SPTLC1: variants seen among roughly 807,000 people sequenced by gnomAD.
SPTLC1 encodes serine palmitoyltransferase 1.
In SPTLC1, 55 loss-of-function variants were observed where a neutral mutation model predicts 68.9. That is an observed-to-expected ratio of 0.80 (90% CI 0.64 to 1.00). The LOEUF (loss-of-function observed/expected upper bound fraction) is 1.00, where lower values mean the gene tolerates loss of function less well. Among genes scored for constraint, SPTLC1 ranks in the 50% least tolerant of loss-of-function variants. The pLI, the probability that SPTLC1 is intolerant of heterozygous loss-of-function variation, is 0.00. For missense variants in SPTLC1, 449 were observed against 573.1 expected, an observed-to-expected ratio of 0.78 and a Z score of 2.21; for synonymous variants, 197 against 201.6, an observed-to-expected ratio of 0.98 and a Z score of 0.19.
intron 3 of SPTLC1, among the ~76,000 whole-genome samples, chr9:92,083,849 A>G (rs1411869402): frequency 3.9e-5 from 6 of 152,134 alleles, no homozygotes; most frequent in South Asian, 4.1e-4. Context: ...CCATTTTCAC[A>G]ATATTGATTC....
chr9:92,051,320 A>T, intron 8 of SPTLC1: 2 of 942,754 alleles, frequency 2.1e-6, no homozygotes, highest in Non-Finnish European at 2.5e-6. Context: ...TTCAACATGG[A>T]AAAATCAAAT....
chr9:92,071,335 G>C (rs1177496697), intron 5 of SPTLC1, among the ~76,000 whole-genome samples: 1 of 152,128 alleles, frequency 6.6e-6, no homozygotes, highest in East Asian at 1.9e-4. Flanking sequence ...AGGAGGCGGA[G>C]GTTGCAGTGA....
intron 5 of SPTLC1, among the ~76,000 whole-genome samples, chr9:92,069,757 G>C (rs958122317): frequency 6.6e-6 from 1 of 152,144 alleles, no homozygotes; most frequent in Non-Finnish European, 1.5e-5. Context: ...GCTTCTAATT[G>C]AAAGTATCTG....
intron 5 of SPTLC1, chr9:92,079,761 C>T (rs1214901692): frequency 3.6e-5 from 24 of 658,942 alleles, no homozygotes; most frequent in Non-Finnish European, 6.5e-5. Flanking sequence ...GCTCTGCACT[C>T]GTTCCTCACG....
chr9:92,083,673 A>G (rs1429380570), intron 3 of SPTLC1, among the ~76,000 whole-genome samples: 32 of 152,142 alleles, frequency 2.1e-4, no homozygotes, highest in African/African-American at 4.8e-4. Flanking sequence ...GTCAGGTAGC[A>G]TGATGCCTCC....
At chr9:92,061,152 G>A (rs1834086876) in intron 6 of SPTLC1, among the ~76,000 whole-genome samples, 1 of 152,168 alleles carries the variant, frequency 6.6e-6, no homozygotes, top group Admixed American at 6.5e-5. Context: ...GATTAAAGAA[G>A]CTGAGCAAAA....
At chr9:92,091,752 A>C (rs1024368550) in intron 3 of SPTLC1, among the ~76,000 whole-genome samples, 1 of 152,188 alleles carries the variant, frequency 6.6e-6, no homozygotes, top group African/African-American at 2.4e-5. Flanking sequence ...AACAGATTAA[A>C]CTCCTCAGTT....
chr9:92,080,316 T>A (rs1834833507), intron 4 of SPTLC1, among the ~76,000 whole-genome samples: 1 of 152,168 alleles, frequency 6.6e-6, no homozygotes, highest in African/African-American at 2.4e-5. Flanking sequence ...GGCCAAGTCT[T>A]TCCTGGAAAA....
At chr9:92,107,855 AG>A (rs1314417986) in intron 3 of SPTLC1, 7 of 152,254 alleles carry the variant, frequency 4.6e-5, no homozygotes, top group Non-Finnish European at 8.8e-5. Flanking sequence ...TGATCAGATC[AG>A]AATCAGAACA....
intron 5 of SPTLC1, chr9:92,079,767 T>G: frequency 1.5e-6 from 1 of 654,096 alleles, no homozygotes; most frequent in Non-Finnish European, 2.7e-6. Flanking sequence ...CACTCGTTCC[T>G]CACGCTGCAA....
At chr9:92,086,518 A>G (rs796488534) in intron 3 of SPTLC1, among the ~76,000 whole-genome samples, 1 of 152,154 alleles carries the variant, frequency 6.6e-6, no homozygotes, top group South Asian at 2.1e-4. Flanking sequence ...GTTTGGCTGG[A>G]TATGAAATTC....
chr9:92,091,054 A>G (rs1466962597), intron 3 of SPTLC1, among the ~76,000 whole-genome samples: 1 of 152,202 alleles, frequency 6.6e-6, no homozygotes, highest in Non-Finnish European at 1.5e-5. Flanking sequence ...ATGCAGCTGT[A>G]CCCACTACTA....
At chr9:92,106,024 G>C (rs1835966144) in intron 3 of SPTLC1, among the ~76,000 whole-genome samples, 1 of 146,624 alleles carries the variant, frequency 6.8e-6, no homozygotes, top group African/African-American at 2.5e-5. Context: ...GGCAAGTGAG[G>C]AGCACCTCTG....
intron 3 of SPTLC1, among the ~76,000 whole-genome samples, chr9:92,095,776 T>A (rs1020080178): frequency 6.6e-6 from 1 of 152,102 alleles, no homozygotes; most frequent in African/African-American, 2.4e-5. Context: ...TAAGTTGTAT[T>A]TGATAAGTCA....
chr9:92,108,886 T>C (rs1261973665), intron 2 of SPTLC1, 52 bp from the exon 3 acceptor site: 2 of 1,582,610 alleles, frequency 1.3e-6, no homozygotes, highest in Non-Finnish European at 1.7e-6. Context: ...TTATCAATTA[T>C]TAGTGTCTCT....
chr9:92,064,766 C>T (rs1251229713), intron 6 of SPTLC1, among the ~76,000 whole-genome samples: 1 of 152,160 alleles, frequency 6.6e-6, no homozygotes, highest in Non-Finnish European at 1.5e-5. Flanking sequence ...GAGTAATACT[C>T]ATCAATCAAA....
intron 11 of SPTLC1, 129 bp from the exon 12 acceptor site, chr9:92,046,182 G>T: frequency 1.2e-6 from 1 of 840,444 alleles, no homozygotes; most frequent in Non-Finnish European, 1.9e-6. Flanking sequence ...TACTAACAGA[G>T]CCAAGAACCC....
At chr9:92,034,712 A>G in intron 14 of SPTLC1, 98 bp downstream of exon 14, 1 of 914,044 alleles carries the variant, frequency 1.1e-6, no homozygotes, top group South Asian at 1.3e-5. Flanking sequence ...ATTCTTCCAT[A>G]GCCTATGATA....
chr9:92,097,915 C>T (rs1835591006), intron 3 of SPTLC1, among the ~76,000 whole-genome samples: 1 of 152,142 alleles, frequency 6.6e-6, no homozygotes, highest in Non-Finnish European at 1.5e-5. Context: ...ATCAATAAGG[C>T]TTCTGTCTAA....
Sources: gnomAD v4.1 joint callset for allele counts (sites outside exome capture counted in the v4.1 genomes callset) on GRCh38, gnomAD v4.1.1 for gene constraint, MANE v1.5 for transcripts, NCBI Gene and HGNC (gene_info 2026-07-23, HGNC 2026-07-21) for gene names.